TRIM5: variants seen among roughly 807,000 people sequenced by gnomAD.
The protein encoded by TRIM5 is tripartite motif containing 5.
Under a neutral mutation model 35.6 loss-of-function variants are expected in TRIM5, and 31 were observed. That is an observed-to-expected ratio of 0.87 (90% CI 0.65 to 1.18). The LOEUF (loss-of-function observed/expected upper bound fraction) is 1.18. TRIM5 is among the 50% of genes most tolerant of loss of function. The pLI is 0.00. For missense variants in TRIM5, 609 were observed against 591.6 expected (o/e 1.03, Z -0.31); for synonymous variants, 243 against 215.6 (o/e 1.13, Z -1.11).
chr11:5,603,439 G>T, the TRIM5 span: 1 of 1,614,108 alleles, frequency 6.2e-7, no homozygotes, highest in Admixed American at 1.7e-5. Flanking sequence ...CACACCAAAT[G>T]GCAGGGAATC....
chr11:5,646,903 T>G, the TRIM5 span, among the ~76,000 whole-genome samples: 4 of 152,148 alleles, frequency 2.6e-5, no homozygotes, highest in East Asian at 7.7e-4. Context: ...TCTACCTTCT[T>G]GAGCTCATAG....
chr11:5,666,067 G>A lies in TRIM5; in HGVS notation c.782C>T (p.Thr261Ile), dbSNP rs1851107500. 6.2e-7 allele frequency: 1 copy of A among 1,607,508 alleles called. No homozygotes were observed. The highest frequency in any genetic ancestry group is 2.2e-5 in the East Asian group (1 of 44,658). ...DGVIKRTENV[T>I]LKKPETFPKN... ...TGGAAAAGTTTCTGGCTTCTTCAAG[G>A]TCACGTTCTCCGTCCTAAGAATTAA... The change falls in exon 6 of 8, where the codon ACC (threonine) becomes ATC (isoleucine). Residue 261 changes from threonine to isoleucine, a missense_variant. Physicochemically the swap from Thr to Ile is moderately conservative, Grantham distance 89 (BLOSUM62 -1). Coordinates refer to ENST00000380034, the MANE Select transcript of TRIM5 (RefSeq NM_033034.3).
chr11:5,669,809 C>T, intron 4 of TRIM5: 1 of 164,246 alleles, frequency 6.1e-6, no homozygotes, highest in South Asian at 1.0e-4. Context: ...ACCAGCCTGG[C>T]CAATCTGGTG....
the TRIM5 span, chr11:5,603,212 C>A: frequency 2.8e-5 from 44 of 1,595,946 alleles, no homozygotes; most frequent in African/African-American, 4.0e-4. Context: ...TCCTTTCTTA[C>A]CCTGATCCTT....
Position 5,665,164 on chromosome 11 carries a change from C to G in TRIM5, c.1127G>C (p.Cys376Ser), listed in dbSNP as rs553273809. Residue 376 changes from cysteine to serine, a missense_variant, in exon 8 of 8, where the codon TGT (cysteine) becomes TCT (serine). By Grantham distance (112) the Cys-to-Ser change is moderately radical. Transcript: ENST00000380034. ...SKKTAWILGVCAGFQPDAMCN... is the reference protein window; with the variant it reads ...SKKTAWILGVSAGFQPDAMCN... ...CATTGCATCAGGTTGGAAGCCAGCA[C>G]ATACCCCCAGGATCCAAGCAGTTTT... 8 of 1,614,088 alleles carry G rather than the reference C, an allele frequency of 5.0e-6. No homozygotes were observed. The highest frequency in any genetic ancestry group is 6.8e-6 in the Non-Finnish European group (8 of 1,179,988).
the TRIM5 span, chr11:5,608,270 C>A: frequency 6.5e-7 from 1 of 1,533,882 alleles, no homozygotes; most frequent in Non-Finnish European, 8.8e-7. Flanking sequence ...TTAGGATTAT[C>A]TTTATTTGTA....
chr11:5,653,496 GTTTTTTTTT>G, the TRIM5 span, among the ~76,000 whole-genome samples: 1 of 132,662 alleles, frequency 7.5e-6, no homozygotes, highest in Non-Finnish European at 1.6e-5. Flanking sequence ...TGTTTTTTTT[GTTTTTTTTT>G]TTTTGAGATG....
chr11:5,611,173 T>A, the TRIM5 span: 1 of 1,614,156 alleles, frequency 6.2e-7, no homozygotes, highest in Non-Finnish European at 8.5e-7. Context: ...CCTCGCCGTG[T>A]TGGGGTTTTC....
chr11:5,613,471 A>G, the TRIM5 span, among the ~76,000 whole-genome samples: 30 of 152,214 alleles, frequency 2.0e-4, no homozygotes, highest in Admixed American at 1.8e-3. Flanking sequence ...GGGAGATCAT[A>G]TCTGTGGAAG....
intron 4 of TRIM5, among the ~76,000 whole-genome samples, chr11:5,675,469 G>T (rs541440503): frequency 6.6e-6 from 1 of 152,084 alleles, no homozygotes; most frequent in Admixed American, 6.5e-5. Context: ...GGTAAGACAG[G>T]GAGGAGGAGA....
the TRIM5 span, chr11:5,612,290 T>C: frequency 6.6e-6 from 1 of 152,212 alleles, no homozygotes; most frequent in Non-Finnish European, 1.5e-5. Flanking sequence ...GATTGAGCTC[T>C]AAAACCAAAC....
the TRIM5 span, chr11:5,612,610 A>C: frequency 6.6e-6 from 1 of 152,252 alleles, no homozygotes; most frequent in East Asian, 1.9e-4. Flanking sequence ...AGGAACAAAC[A>C]GCTGTTGAGT....
the TRIM5 span, among the ~76,000 whole-genome samples, chr11:5,655,973 C>G: frequency 6.6e-6 from 1 of 152,116 alleles, no homozygotes; most frequent in Non-Finnish European, 1.5e-5. Flanking sequence ...GAAACTGGAC[C>G]CCTTCCTTAC....
chr11:5,679,735 C>G (rs1295614841), intron 2 of TRIM5, 26 bp downstream of exon 2: 1 of 1,536,790 alleles, frequency 6.5e-7, no homozygotes, highest in South Asian at 1.3e-5. Flanking sequence ...TTTCTGCCCT[C>G]TCTTCCTTCC....
chr11:5,603,822 G>T, the TRIM5 span: 7 of 1,510,930 alleles, frequency 4.6e-6, no homozygotes, highest in Non-Finnish European at 6.2e-6. Context: ...TAATCTCTTT[G>T]TAGTCTTTAT....
the TRIM5 span, among the ~76,000 whole-genome samples, chr11:5,620,687 G>A: frequency 0.3 from 46,138 of 151,868 alleles, 7,080 homozygotes; most frequent in African/African-American, 0.35. Flanking sequence ...TATGCCTTAC[G>A]GTGGGAGGGG....
the TRIM5 span, among the ~76,000 whole-genome samples, chr11:5,623,534 A>ATT: frequency 0.46 from 57,852 of 126,232 alleles, 13,451 homozygotes; most frequent in Non-Finnish European, 0.48. Context: ...TGCCCGGCTA[A>ATT]TTTTTTTTTT....
chr11:5,598,012 A>T, the TRIM5 span, among the ~76,000 whole-genome samples: 1 of 152,242 alleles, frequency 6.6e-6, no homozygotes, highest in South Asian at 2.1e-4. Context: ...GCTAGTTAGC[A>T]GACCTTTTTC....
At chr11:5,600,639 A>G in the TRIM5 span, among the ~76,000 whole-genome samples, 1 of 152,148 alleles carries the variant, frequency 6.6e-6, no homozygotes, top group Non-Finnish European at 1.5e-5. Flanking sequence ...CCAGGTCCTC[A>G]AGATGGGGGT....
Sources: allele counts gnomAD v4.1 joint callset (sites outside exome capture counted in the v4.1 genomes callset), GRCh38; gene constraint gnomAD v4.1.1; transcripts MANE v1.5; gene names NCBI Gene and HGNC (gene_info 2026-07-23, HGNC 2026-07-21).